Variants in SYTL2 observed in about 807,000 individuals in gnomAD.
SYTL2 encodes synaptotagmin-like protein 2.
SYTL2 carries 165 observed loss-of-function variants against 198.7 expected under a neutral mutation model. The observed-to-expected ratio is 0.83, with a 90% confidence interval of 0.73 to 0.94. SYTL2 has a LOEUF of 0.94. SYTL2 is among the 40% of genes least tolerant of loss of function. SYTL2 has a pLI of 0.00. For synonymous variants in SYTL2, 966 were observed against 917.7 expected (o/e 1.05, Z -0.95); for missense variants, 2,835 against 2,582.8 (o/e 1.10, Z -2.12).
At chr11:85,834,239 A>G in the SYTL2 span, among the ~76,000 whole-genome samples, 1 of 152,228 alleles carries the variant, frequency 6.6e-6, no homozygotes, top group Non-Finnish European at 1.5e-5. Context: ...TACTATTAAT[A>G]AAAAGTATAT....
At chr11:85,782,904 G>C (rs1214980441) in intron 1 of SYTL2, among the ~76,000 whole-genome samples, 1 of 152,178 alleles carries the variant, frequency 6.6e-6, no homozygotes, top group Non-Finnish European at 1.5e-5. Flanking sequence ...TCAGCATTTT[G>C]GTCAAAACCA....
At chr11:85,844,203 CT>C in the SYTL2 span, among the ~76,000 whole-genome samples, 2 of 152,156 alleles carry the variant, frequency 1.3e-5, no homozygotes, top group Non-Finnish European at 2.9e-5. Flanking sequence ...GTAAATTTGC[CT>C]TTTGTAGACA....
upstream of SYTL2, among the ~76,000 whole-genome samples, chr11:85,811,596 G>C (rs755722549): frequency 6.6e-6 from 1 of 152,062 alleles, no homozygotes; most frequent in Non-Finnish European, 1.5e-5. Context: ...TTAACCCTCG[G>C]GACGTCAATT....
chr11:85,735,681 C>T (rs1040594075), intron 6 of SYTL2, among the ~76,000 whole-genome samples: 3 of 151,796 alleles, frequency 2.0e-5, no homozygotes, highest in South Asian at 2.1e-4. Flanking sequence ...CCCCGGAACC[C>T]GGGAGGCGAA....
intron 1 of SYTL2, among the ~76,000 whole-genome samples, chr11:85,763,637 G>C (rs1028104116): frequency 2.6e-5 from 4 of 151,834 alleles, no homozygotes; most frequent in Non-Finnish European, 4.4e-5. Context: ...ACTCTCACAT[G>C]ATGAGGATTT....
chr11:85,846,599 G>T, the SYTL2 span, among the ~76,000 whole-genome samples: 1 of 151,546 alleles, frequency 6.6e-6, no homozygotes, highest in Non-Finnish European at 1.5e-5. Flanking sequence ...AGCTAATTTT[G>T]AATTTTTAGT....
In SYTL2 at chr11:85,727,338, G is replaced by A. The variant is rs1397736315; in HGVS notation, c.2020C>T (p.Leu674Phe). The A allele has an allele frequency of 6.5e-7, 1 of 1,535,952 alleles. No individual in the cohort carries two copies. Among genetic ancestry groups the A allele is most frequent in the Non-Finnish European group, 8.7e-7 (1 of 1,146,882 alleles). ...TGGTTTTCTGCATCAGATTCCTTGAGAACACTGTAGGAATAGTTACTATTT... is the reference window on the plus strand; with the variant it reads ...TGGTTTTCTGCATCAGATTCCTTGAAAACACTGTAGGAATAGTTACTATTT... ...PSNSNYSYSV[L>F]KESDAENQVP... The change falls in exon 8 of 20, where the codon CTC becomes TTC. Residue 674 changes from leucine (L) to phenylalanine (F), a missense_variant. Transcript: ENST00000359152.
chr11:85,850,411 A>G, the SYTL2 span, among the ~76,000 whole-genome samples: 2 of 152,078 alleles, frequency 1.3e-5, no homozygotes, highest in African/African-American at 2.4e-5. Flanking sequence ...TGCAGCCAAA[A>G]AACACATGAA....
At chr11:85,773,591 C>T (rs2092399113) in intron 1 of SYTL2, among the ~76,000 whole-genome samples, 1 of 152,044 alleles carries the variant, frequency 6.6e-6, no homozygotes, top group Non-Finnish European at 1.5e-5. Context: ...AGCCTGAGCT[C>T]TCCTGGAAGA....
chr11:85,737,249 G>C (rs1201567035), intron 5 of SYTL2, among the ~76,000 whole-genome samples: 1 of 152,130 alleles, frequency 6.6e-6, no homozygotes, highest in Non-Finnish European at 1.5e-5. Context: ...GCTATGCATA[G>C]GAATATAGGA....
At chr11:85,854,217 A>G in the SYTL2 span, 2 of 152,148 alleles carry the variant, frequency 1.3e-5, no homozygotes, top group Non-Finnish European at 2.9e-5. Flanking sequence ...TACACCATGT[A>G]TAAATTATAA....
In SYTL2 at chr11:85,720,846, C is replaced by A. The variant is rs758194966; in HGVS notation, c.5428+12G>T. 1.9e-6 allele frequency: 3 copies of A among 1,595,968 alleles called. No homozygotes were observed. Among genetic ancestry groups the A allele is most frequent in the South Asian group, 1.1e-5 (1 of 90,758 alleles). ...GATGGGGCATGAACAGTGAGGCGAA[C>A]TTTATTCTCACTTGATGAATCTGAT... On this transcript the variant is annotated intron_variant, in intron 9 of 19. Coordinates refer to ENST00000359152, the MANE Select transcript of SYTL2 (RefSeq NM_206927.4).
At chr11:85,741,683 A>T (rs2090798220) in intron 4 of SYTL2, among the ~76,000 whole-genome samples, 1 of 152,116 alleles carries the variant, frequency 6.6e-6, no homozygotes, top group African/African-American at 2.4e-5. Flanking sequence ...GGTACCTTAC[A>T]CTCATCTTAA....
intron 1 of SYTL2, among the ~76,000 whole-genome samples, chr11:85,801,137 CCTCT>C (rs1371246274): frequency 6.6e-6 from 1 of 152,190 alleles, no homozygotes; most frequent in Non-Finnish European, 1.5e-5. Context: ...TCTGCTCCTC[CCTCT>C]AAGAAACTCA....
chr11:85,796,451 C>T (rs1286701494), intron 1 of SYTL2, among the ~76,000 whole-genome samples: 1 of 152,200 alleles, frequency 6.6e-6, no homozygotes, highest in Admixed American at 6.5e-5. Context: ...AATATTGCCC[C>T]TCATTTTTCT....
At chr11:85,773,248 T>C (rs1188149898) in intron 1 of SYTL2, among the ~76,000 whole-genome samples, 1 of 152,160 alleles carries the variant, frequency 6.6e-6, no homozygotes, top group African/African-American at 2.4e-5. Context: ...GCCTTCAGGA[T>C]AAAATTCAAA....
chr11:85,819,044 G>T, the SYTL2 span, among the ~76,000 whole-genome samples: 1 of 151,878 alleles, frequency 6.6e-6, no homozygotes, highest in African/African-American at 2.4e-5. Flanking sequence ...CAAAATCCCA[G>T]GTTTTAAGAG....
the SYTL2 span, chr11:85,853,649 A>G: frequency 6.9e-6 from 1 of 143,978 alleles, no homozygotes; most frequent in East Asian, 2.0e-4. Context: ...ACACCCAAGA[A>G]TGATCAATAA....
chr11:85,713,879 A>C (rs1219186133), intron 12 of SYTL2, among the ~76,000 whole-genome samples: 10 of 152,128 alleles, frequency 6.6e-5, no homozygotes, highest in African/African-American at 2.4e-4. Flanking sequence ...TAGCTGAGTG[A>C]GGTTAATCTC....
Sources: gnomAD v4.1 joint callset for allele counts (sites outside exome capture counted in the v4.1 genomes callset) on GRCh38, gnomAD v4.1.1 for gene constraint, MANE v1.5 for transcripts, NCBI Gene and HGNC (gene_info 2026-07-23, HGNC 2026-07-21) for gene names.